Variants in RNF8 observed in about 807,000 individuals in gnomAD.
The protein encoded by RNF8 is ring finger protein 8.
A neutral mutation model predicts 59.3 loss-of-function variants in RNF8; 8 were observed. The ratio of observed to expected loss-of-function variants is 0.13; its 90% CI spans 0.08 to 0.24. The LOEUF (loss-of-function observed/expected upper bound fraction) is 0.24, where lower values mean the gene tolerates loss of function less well. Among genes scored for constraint, RNF8 ranks in the 10% least tolerant of loss-of-function variants. The pLI is 1.00. For synonymous variants in RNF8, 162 were observed against 200.0 expected (o/e 0.81, Z 1.60); for missense variants, 406 against 572.6 (o/e 0.71, Z 2.97).
intron 7 of RNF8, among the ~76,000 whole-genome samples, chr6:37,382,145 T>A (rs1770293785): frequency 6.6e-6 from 1 of 152,100 alleles, no homozygotes; most frequent in South Asian, 2.1e-4. Context: ...AATAAGACAT[T>A]ATCTCAGCCC....
rs987312081 is a variant in RNF8, at chr6:37,384,228, C to G, written c.1441+2874C>G. Among the ~76,000 whole-genome samples, 4 of 151,766 alleles carry G rather than the reference C, an allele frequency of 2.6e-5. No individual in the cohort carries two copies. The South Asian group carries it at 6.2e-4, about 24-fold the overall frequency. On this transcript the variant is annotated intron_variant, in intron 7 of 7. Transcript: ENST00000373479. ...CAATTTTGGCTCACTGCAACCTCCCCCTCCCGGGTTTAAGTGATTCTCCTC... is the reference window on the plus strand; with the variant it reads ...CAATTTTGGCTCACTGCAACCTCCCGCTCCCGGGTTTAAGTGATTCTCCTC...
At position 37,354,137 on chromosome 6, in the gene RNF8, G is replaced by A. The variant is rs746466619; in HGVS notation, c.-28G>A. 14 of 1,553,288 alleles carry A rather than the reference G, an allele frequency of 9.0e-6. No homozygotes were observed. The Middle Eastern group carries it at 1.1e-3, about 119-fold the overall frequency. On this transcript the variant is annotated 5_prime_UTR_variant, in exon 1 of 8. Transcript: ENST00000373479. ...AACCTAGGTCAGGGTCTCGCTCGGT[G>A]CTGACCGCCCCCGGGGTCGAGTAGG...
chr6:37,354,101 G>C lies in RNF8; in HGVS notation c.-64G>C, dbSNP rs2113810192. On this transcript the variant is annotated 5_prime_UTR_variant, in exon 1 of 8. Transcript: ENST00000373479. ...GATATGGAAGCTGAGGGGATGCACAGAGGCAGCCAGAACCTAGGTCAGGGT... is the reference window on the plus strand; with the variant it reads ...GATATGGAAGCTGAGGGGATGCACACAGGCAGCCAGAACCTAGGTCAGGGT... 1 of 1,337,798 alleles carries C rather than the reference G, an allele frequency of 7.5e-7. No individual in the cohort carries two copies. Among genetic ancestry groups the C allele is most frequent in the East Asian group, 2.5e-5 (1 of 39,818 alleles). The allele number at this position is 1,337,798 out of a possible 1,614,324, so 82.9% of individuals were successfully genotyped here.
At chr6:37,372,896 G>T (rs1446777793) in intron 4 of RNF8, among the ~76,000 whole-genome samples, 1 of 152,160 alleles carries the variant, frequency 6.6e-6, no homozygotes. Context: ...TTGAACCCGG[G>T]ATGTGGAGGT....
chr6:37,359,787 T>TG (rs1461032275), intron 1 of RNF8, among the ~76,000 whole-genome samples: 1 of 152,350 alleles, frequency 6.6e-6, no homozygotes, highest in East Asian at 1.9e-4. Flanking sequence ...AAGTAACACT[T>TG]GCGTTTGACT....
chr6:37,361,388 G>A (rs1769316545), intron 2 of RNF8: 1 of 456,396 alleles, frequency 2.2e-6, no homozygotes, highest in African/African-American at 2.0e-5. Flanking sequence ...GTTGGAAGGA[G>A]GGCAGGTCAA....
At chr6:37,374,762 A>G in intron 5 of RNF8, 53 bp downstream of exon 5, 1 of 1,299,264 alleles carries the variant, frequency 7.7e-7, no homozygotes, top group South Asian at 1.2e-5. Context: ...GCAACTCAGC[A>G]TTTTCAACAG....
Position 37,394,393 on chromosome 6 carries a change from A to G in RNF8, c.*3635A>G, listed in dbSNP as rs891600872. 4.6e-5 allele frequency: 7 copies of G among 152,352 alleles called. No homozygotes were observed. The highest frequency in any genetic ancestry group is 1.7e-4 in the African/African-American group (7 of 41,590). The allele number at this position is 152,352 out of a possible 1,614,324, so 9.4% of individuals were successfully genotyped here. A position where few individuals can be genotyped will look rare whatever the true frequency, so the allele number is the denominator to read the frequency against. On this transcript the variant is annotated 3_prime_UTR_variant, in exon 8 of 8. Transcript: ENST00000373479. ...ATGGGGCCTTGTATTAAGGAGAAAT[A>G]ATGAACTATCTTCTTGATTCTTCCA...
chr6:37,394,711 T>A lies in RNF8; in HGVS notation c.*3953T>A, dbSNP rs1026493540. ...TGGGGCCGTTTGTACTCTGCATGTATTCAATAAATTCAATTCAGCAATAGT... is the reference window on the plus strand; with the variant it reads ...TGGGGCCGTTTGTACTCTGCATGTAATCAATAAATTCAATTCAGCAATAGT... On this transcript the variant is annotated 3_prime_UTR_variant, in exon 8 of 8. Coordinates refer to ENST00000373479, the MANE Select transcript of RNF8 (RefSeq NM_003958.4). 6.6e-6 allele frequency: 1 copy of A among 152,220 alleles called. No individual in the cohort carries two copies. Among genetic ancestry groups the A allele is most frequent in the Non-Finnish European group, 1.5e-5 (1 of 68,040 alleles). 9.4% of individuals were successfully genotyped at this position (152,220 alleles called of 1,614,324 possible).
rs1305198613 is a variant in RNF8 at position 37,368,807 on chromosome 6, A to G, written c.564A>G (p.Lys188=). The G allele has an allele frequency of 1.2e-6, 2 of 1,614,182 alleles. No homozygotes were observed. The highest frequency in any genetic ancestry group is 1.7e-6 in the Non-Finnish European group (2 of 1,180,028). The change falls in exon 3 of 8, where the codon AAA becomes AAG. Residue 188 remains lysine (K), a synonymous_variant. Coordinates refer to ENST00000373479, the MANE Select transcript of RNF8 (RefSeq NM_003958.4). ...CTTGTGAATCTGGTCAGCCAGTGAA[A>G]TCACAGGGGAAAGGTGAAGTGGCCA... The part of the protein sequence containing the change: ...KVSCESGQPV[K]SQGKGEVAST...
chr6:37,371,430 G>C, intron 3 of RNF8, 82 bp from the exon 4 acceptor site: 1 of 1,160,408 alleles, frequency 8.6e-7, no homozygotes, highest in Non-Finnish European at 1.3e-6. Context: ...ATACTAGCTG[G>C]TCTGCTCTGC....
intron 1 of RNF8, among the ~76,000 whole-genome samples, chr6:37,356,921 T>C (rs761296214): frequency 1.2e-4 from 18 of 152,172 alleles, no homozygotes; most frequent in Admixed American, 2.0e-4. Flanking sequence ...GTGTTTTCAA[T>C]AGAGGTGGGG....
At position 37,354,057 on chromosome 6, in the gene RNF8, T is replaced by C. The variant is rs552269282; in HGVS notation, c.-108T>C. ...GCAGCGATCGCGAGCGTGTGGCGATTGCTTCTGTCTGTTATTTAGATATGG... is the reference window on the plus strand; with the variant it reads ...GCAGCGATCGCGAGCGTGTGGCGATCGCTTCTGTCTGTTATTTAGATATGG... On this transcript the variant is annotated 5_prime_UTR_variant, in exon 1 of 8. Coordinates refer to ENST00000373479, the MANE Select transcript of RNF8 (RefSeq NM_003958.4). 6 of 921,306 alleles carry C rather than the reference T, an allele frequency of 6.5e-6. No individual in the cohort carries two copies. In the South Asian group the frequency reaches 8.6e-5, roughly 13 times the overall value. 57.1% of individuals were successfully genotyped at this position (921,306 alleles called of 1,614,324 possible). A position where few individuals can be genotyped will look rare whatever the true frequency, so the allele number is the denominator to read the frequency against.
In RNF8 at chr6:37,391,579, T is replaced by C. The variant is rs1205252271; in HGVS notation, c.*821T>C. The C allele has an allele frequency of 1.3e-5, 2 of 152,208 alleles. No individual in the cohort carries two copies. The highest frequency in any genetic ancestry group is 4.8e-5 in the African/African-American group (2 of 41,454). The allele number at this position is 152,208 out of a possible 1,614,324, so 9.4% of individuals were successfully genotyped here. On this transcript the variant is annotated 3_prime_UTR_variant, in exon 8 of 8. Coordinates refer to ENST00000373479, the MANE Select transcript of RNF8 (RefSeq NM_003958.4). ...CACAGGCAATGATTTTATGACAACT[T>C]GATGTGCTTTTTTCTTTATTTTTCT...
chr6:37,387,645 G>A (rs904680679), intron 7 of RNF8, among the ~76,000 whole-genome samples: 1 of 152,128 alleles, frequency 6.6e-6, no homozygotes, highest in African/African-American at 2.4e-5. Flanking sequence ...CCCAGTCCTG[G>A]GTCTTTCCTT....
intron 2 of RNF8, chr6:37,361,409 C>T (rs1023102674): frequency 2.2e-6 from 1 of 454,786 alleles, no homozygotes; most frequent in African/African-American, 2.0e-5. Context: ...AACTGCTGTG[C>T]TCATCAACAA....
At chr6:37,376,714 A>G (rs1459362694) in intron 5 of RNF8, among the ~76,000 whole-genome samples, 2 of 152,210 alleles carry the variant, frequency 1.3e-5, no homozygotes, top group South Asian at 4.1e-4. Flanking sequence ...GCAAGTAGGG[A>G]GAGGAAAGAA....
intron 6 of RNF8, among the ~76,000 whole-genome samples, chr6:37,380,685 A>T (rs1770221744): frequency 6.6e-6 from 1 of 151,692 alleles, no homozygotes; most frequent in East Asian, 2.0e-4. Flanking sequence ...AAAAAAAAAA[A>T]AATTCCCCAA....
chr6:37,360,950 G>T lies in RNF8; in HGVS notation c.240+376G>T, dbSNP rs925379288. ...ACACTTATGGCTCAGTGGACAAGGG[G>T]AGGAGGGAGAAACTGATCTGATTGC... On this transcript the variant is annotated intron_variant, in intron 2 of 7. Coordinates refer to ENST00000373479, the MANE Select transcript of RNF8 (RefSeq NM_003958.4). The surrounding 1 kb of genome is among the most constrained non-coding windows in gnomAD (Gnocchi z 4.2). Among the ~76,000 whole-genome samples the T allele has an allele frequency of 6.6e-6, 1 of 152,172 alleles. No homozygotes were observed. The highest frequency in any genetic ancestry group is 1.5e-5 in the Non-Finnish European group (1 of 68,030).
Sources: allele counts gnomAD v4.1 joint callset (sites outside exome capture counted in the v4.1 genomes callset), GRCh38; gene constraint gnomAD v4.1.1; non-coding constraint Gnocchi (gnomAD v3.1); transcripts MANE v1.5; gene names NCBI Gene and HGNC (gene_info 2026-07-23, HGNC 2026-07-21).